Variants in SLC29A4 observed in about 807,000 individuals in gnomAD.
The protein encoded by SLC29A4 is equilibrative nucleoside transporter 4.
A neutral mutation model predicts 43.9 loss-of-function variants in SLC29A4; 36 were observed. The observed-to-expected ratio is 0.82, with a 90% CI of 0.63 to 1.08. The LOEUF (loss-of-function observed/expected upper bound fraction) is 1.08, where lower values mean the gene tolerates loss of function less well. Ranked by LOEUF, SLC29A4 falls within the 50% of genes least tolerant of loss-of-function variation. The pLI is 0.00. For missense variants in SLC29A4, 869 were observed against 755.3 expected, an observed-to-expected ratio of 1.15 and a Z score of -1.77; for synonymous variants, 491 against 338.0, an observed-to-expected ratio of 1.45 and a Z score of -4.97.
intron 8 of SLC29A4, 50 bp from the exon 9 acceptor site, chr7:5,299,190 G>T (rs1562454085): frequency 1.3e-6 from 2 of 1,598,724 alleles, no homozygotes; most frequent in South Asian, 2.2e-5. Context: ...GGGGAGGCAG[G>T]CAGGGGTCCC....
intron 1 of SLC29A4, among the ~76,000 whole-genome samples, chr7:5,284,241 T>A (rs1383070114): frequency 1.3e-5 from 2 of 152,116 alleles, no homozygotes; most frequent in African/African-American, 4.8e-5. Context: ...ATTAAAAAAA[T>A]TAATAAATGG....
chr7:5,300,371 C>G (rs34551990), intron 9 of SLC29A4, 51 bp from the exon 10 acceptor site: 403,148 of 1,604,972 alleles, frequency 0.25, 53,245 homozygotes, highest in Non-Finnish European at 0.27. Flanking sequence ...GGGTGTGAGG[C>G]GAGTGGGGCT....
intron 5 of SLC29A4, among the ~76,000 whole-genome samples, chr7:5,292,209 C>G (rs935597977): frequency 6.6e-6 from 1 of 152,180 alleles, no homozygotes; most frequent in African/African-American, 2.4e-5. Context: ...CTCCTGGACT[C>G]AAGCCATCCT....
chr7:5,301,991 C>T (rs2128093047), intron 10 of SLC29A4, among the ~76,000 whole-genome samples: 1 of 152,208 alleles, frequency 6.6e-6, no homozygotes, highest in African/African-American at 2.4e-5. Flanking sequence ...TGCTCTGTTC[C>T]CCAGGCTGGA....
chr7:5,303,336 C>T lies in SLC29A4; in HGVS notation c.*397C>T, dbSNP rs1294181319. 3.0e-5 allele frequency: 8 copies of T among 269,870 alleles called. No individual in the cohort carries two copies. Among genetic ancestry groups the T allele is most frequent in the Non-Finnish European group, 2.8e-5 (4 of 141,780 alleles). 16.7% of individuals were successfully genotyped at this position (269,870 alleles called of 1,614,324 possible). A position where few individuals can be genotyped will look rare whatever the true frequency, so the allele number is the denominator to read the frequency against. On this transcript the variant is annotated 3_prime_UTR_variant, in exon 11 of 11. Transcript: ENST00000396872. ...TGACTGCACCCCGGCCCTCATCACC[C>T]ACCGGCACTGATCGGGGCACCGCCT...
intron 5 of SLC29A4, 34 bp downstream of exon 5, chr7:5,291,855 T>C: frequency 6.2e-7 from 1 of 1,600,854 alleles, no homozygotes; most frequent in African/African-American, 1.3e-5. Flanking sequence ...AGGCCTTGAG[T>C]GCCCACTTCC....
At chr7:5,293,421 C>T (rs1785442334) in intron 5 of SLC29A4, among the ~76,000 whole-genome samples, 1 of 152,122 alleles carries the variant, frequency 6.6e-6, no homozygotes, top group Non-Finnish European at 1.5e-5. Flanking sequence ...CTGCCTGCCT[C>T]AGCCTCCCAA....
At position 5,303,212 on chromosome 7, in the gene SLC29A4, C is replaced by G. The variant is rs1177889838; in HGVS notation, c.*273C>G. On this transcript the variant is annotated 3_prime_UTR_variant, in exon 11 of 11. Coordinates refer to ENST00000396872, the MANE Select transcript of SLC29A4 (RefSeq NM_153247.4). ...ACCTGCGTCTACCTTCCATCTGTGT[C>G]CAGCGGCCCCGGCTCCAGCCCAGCC... 1.9e-6 allele frequency: 1 copy of G among 535,168 alleles called. No homozygotes were observed. Among genetic ancestry groups the G allele is most frequent in the East Asian group, 3.2e-5 (1 of 30,964 alleles). 33.2% of individuals were successfully genotyped at this position (535,168 alleles called of 1,614,324 possible). A position where few individuals can be genotyped will look rare whatever the true frequency, so the allele number is the denominator to read the frequency against.
chr7:5,293,827 C>A (rs1433492647), intron 5 of SLC29A4, among the ~76,000 whole-genome samples: 2 of 152,084 alleles, frequency 1.3e-5, no homozygotes, highest in African/African-American at 4.8e-5. Context: ...ATTTTTGTCT[C>A]CATGCATGGT....
intron 6 of SLC29A4, among the ~76,000 whole-genome samples, chr7:5,295,896 G>A (rs1437968526): frequency 6.6e-6 from 1 of 152,078 alleles, no homozygotes; most frequent in Non-Finnish European, 1.5e-5. Context: ...GGGCCGCGCA[G>A]AAAAGACATG....
chr7:5,289,399 G>A (rs1458127933), intron 2 of SLC29A4, among the ~76,000 whole-genome samples: 1 of 151,980 alleles, frequency 6.6e-6, no homozygotes. Context: ...TGAAAAAAAA[G>A]AAAGAAAAAA....
At chr7:5,295,853 G>C (rs1458792380) in intron 6 of SLC29A4, among the ~76,000 whole-genome samples, 1 of 152,130 alleles carries the variant, frequency 6.6e-6, no homozygotes, top group Non-Finnish European at 1.5e-5. Flanking sequence ...GAATTGTGCC[G>C]GCACACTGAT....
rs1258019522 is a variant in SLC29A4 at position 5,299,309 on chromosome 7, A to G, written c.1091A>G (p.Tyr364Cys). ...GACATGCTCTCCATCGCCGTGACCTACTTCATCACGCTGTGCCTGTTCCCC... is the reference window on the plus strand; with the variant it reads ...GACATGCTCTCCATCGCCGTGACCTGCTTCATCACGCTGTGCCTGTTCCCC... ...WADMLSIAVT[Y>C]FITLCLFPGL... The change falls in exon 9 of 11, where the codon TAC becomes TGC. Residue 364 changes from tyrosine to cysteine, a missense_variant. Coordinates refer to ENST00000396872, the MANE Select transcript of SLC29A4 (RefSeq NM_153247.4). 7 of 1,611,854 alleles carry G rather than the reference A, an allele frequency of 4.3e-6. No homozygotes were observed. The highest frequency in any genetic ancestry group is 1.7e-5 in the Admixed American group (1 of 59,986).
chr7:5,294,876 C>T lies in SLC29A4; in HGVS notation c.561C>T (p.Phe187=), dbSNP rs774662020. The change falls in exon 6 of 11, where the codon TTC becomes TTT. Residue 187 remains phenylalanine (F), a synonymous_variant. Coordinates refer to ENST00000396872, the MANE Select transcript of SLC29A4 (RefSeq NM_153247.4). ...AFGCTVQQSS[F]YGYTGMLPKR... Reference sequence around the variant, plus strand: ...TCTCTTAAGTGCAGCAATCCAGCTTCTACGGGTACACGGGGATGCTGCCCA... The same window carrying T: ...TCTCTTAAGTGCAGCAATCCAGCTTTTACGGGTACACGGGGATGCTGCCCA... 3.1e-6 allele frequency: 5 copies of T among 1,612,608 alleles called. No homozygotes were observed. Among genetic ancestry groups the T allele is most frequent in the South Asian group, 2.2e-5 (2 of 91,042 alleles).
rs538742740 is a variant in SLC29A4 at position 5,300,042 on chromosome 7, ACT to A, written c.1210-377_1210-376del. Among the ~76,000 whole-genome samples, 396 of 152,046 alleles carry A rather than the reference ACT, an allele frequency of 2.6e-3. 2 individuals are homozygous for A. Among genetic ancestry groups the A allele is most frequent in the African/African-American group, 9.2e-3 (381 of 41,446 alleles). On this transcript the variant is annotated intron_variant, in intron 9 of 10. Coordinates refer to ENST00000396872, the MANE Select transcript of SLC29A4 (RefSeq NM_153247.4). ...ACTCCAGCCTGGGTGACAGCACGAG[ACT>A]CTGTCTCAAAAAAACAAGCAAACGA...
At chr7:5,292,856 G>A (rs1447429122) in intron 5 of SLC29A4, among the ~76,000 whole-genome samples, 2 of 150,656 alleles carry the variant, frequency 1.3e-5, no homozygotes, top group Non-Finnish European at 3.0e-5. Context: ...CCGCCACCAT[G>A]CCAGGCTAAT....
intron 2 of SLC29A4, among the ~76,000 whole-genome samples, chr7:5,290,528 G>A (rs535280169): frequency 2.3e-4 from 35 of 152,314 alleles, no homozygotes; most frequent in African/African-American, 8.2e-4. Context: ...CTGTGAGGGC[G>A]TGGGTGTGGT....
At chr7:5,291,889 G>T in intron 5 of SLC29A4, 68 bp downstream of exon 5, 20 of 1,547,494 alleles carry the variant, frequency 1.3e-5, no homozygotes, top group Non-Finnish European at 1.6e-5. Context: ...CCCAGCCCTG[G>T]TCTCCTGCTG....
chr7:5,286,984 C>T (rs1784993705), intron 1 of SLC29A4, among the ~76,000 whole-genome samples: 1 of 152,246 alleles, frequency 6.6e-6, no homozygotes, highest in African/African-American at 2.4e-5. Context: ...AAGTATTCCT[C>T]CACTCCATCT....
Sources: gnomAD v4.1 joint callset for allele counts (sites outside exome capture counted in the v4.1 genomes callset) on GRCh38, gnomAD v4.1.1 for gene constraint, MANE v1.5 for transcripts, NCBI Gene and HGNC (gene_info 2026-07-23, HGNC 2026-07-21) for gene names.